Variants in TRDN observed in about 807,000 individuals in gnomAD.
The protein encoded by TRDN is triadin.
A neutral mutation model predicts 149.7 loss-of-function variants in TRDN; 161 were observed. That is an observed-to-expected ratio of 1.08 (90% CI 0.95 to 1.23). TRDN has a LOEUF of 1.23. TRDN is among the 50% of genes most tolerant of loss of function. TRDN has a pLI of 0.00. For synonymous variants in TRDN, 294 were observed against 250.5 expected (o/e 1.17, Z -1.64); for missense variants, 896 against 823.5 (o/e 1.09, Z -1.08).
chr6:123,247,718 C>G (rs1776234969), intron 38 of TRDN, among the ~76,000 whole-genome samples: 2 of 151,530 alleles, frequency 1.3e-5, no homozygotes, highest in South Asian at 4.2e-4. Flanking sequence ...CAAGCTACCA[C>G]AGACTTTCTT....
chr6:123,583,357 A>G (rs1027126720), intron 1 of TRDN, among the ~76,000 whole-genome samples: 13 of 152,074 alleles, frequency 8.5e-5, no homozygotes, highest in African/African-American at 3.1e-4. Flanking sequence ...GGGGCCTAAT[A>G]AAAAGGAACG....
In TRDN at chr6:123,217,838, CCA is replaced by C. The variant is rs1164235057; in HGVS notation, c.*761_*762del. ...CACAGTCTGGAGAAATTTCAGAATT[CCA>C]CATCTCATTTGCTAATATTTTAAAC... On this transcript the variant is annotated 3_prime_UTR_variant, in exon 41 of 41. Transcript: ENST00000334268. 1 of 151,968 alleles carries C rather than the reference CCA, an allele frequency of 6.6e-6. No individual in the cohort carries two copies. The highest frequency in any genetic ancestry group is 1.9e-4 in the East Asian group (1 of 5,158). The allele number at this position is 151,968 out of a possible 1,614,324, so 9.4% of individuals were successfully genotyped here. A position where few individuals can be genotyped will look rare whatever the true frequency, so the allele number is the denominator to read the frequency against.
At chr6:123,268,738 G>C (rs910204491) in intron 31 of TRDN, among the ~76,000 whole-genome samples, 1 of 152,002 alleles carries the variant, frequency 6.6e-6, no homozygotes, top group Middle Eastern at 3.2e-3. Flanking sequence ...GGAACTGATA[G>C]CATTCAAGAA....
intron 12 of TRDN, among the ~76,000 whole-genome samples, chr6:123,433,161 T>TAA (rs71726347): frequency 2.0e-4 from 8 of 39,594 alleles, no homozygotes; most frequent in Non-Finnish European, 3.2e-4. Flanking sequence ...TATATATATA[T>TAA]AATATATATA....
At chr6:123,415,814 G>C (rs1186835964) in intron 12 of TRDN, among the ~76,000 whole-genome samples, 1 of 152,126 alleles carries the variant, frequency 6.6e-6, no homozygotes, top group Admixed American at 6.6e-5. Flanking sequence ...TGCATATACT[G>C]TATAGACAAA....
chr6:123,285,265 G>T (rs1345232318), intron 24 of TRDN, among the ~76,000 whole-genome samples: 1 of 152,052 alleles, frequency 6.6e-6, no homozygotes. Context: ...AAATCTGGAG[G>T]CATCACATTA....
chr6:123,345,866 C>G (rs9401661), intron 21 of TRDN, among the ~76,000 whole-genome samples: 28,091 of 151,930 alleles, frequency 0.18, 3,546 homozygotes, highest in East Asian at 0.63. Context: ...ACTGATATAA[C>G]AGAGTAACTG....
intron 13 of TRDN, among the ~76,000 whole-genome samples, chr6:123,392,694 T>C (rs1376411508): frequency 6.6e-6 from 1 of 152,010 alleles, no homozygotes; most frequent in Admixed American, 6.6e-5. Context: ...CTTATTTTGC[T>C]CACAGACAAC....
intron 2 of TRDN, among the ~76,000 whole-genome samples, chr6:123,552,059 C>A (rs532215927): frequency 1.4e-4 from 22 of 152,148 alleles, no homozygotes; most frequent in African/African-American, 4.1e-4. Flanking sequence ...ATTGCTAAGG[C>A]CTTGAAGTAT....
At position 123,571,029 on chromosome 6, in the gene TRDN, C is replaced by A. The variant is rs774324909; in HGVS notation, c.126G>T (p.Thr42=). 1 of 1,613,858 alleles carries A rather than the reference C, an allele frequency of 6.2e-7. No individual in the cohort carries two copies. The highest frequency in any genetic ancestry group is 1.3e-5 in the African/African-American group (1 of 74,914). ...GCCAGGCTGCAGGGGAGCTGAACGTCGTCACTATGTCTTCTGTGACTGTCC... is the reference window on the plus strand; with the variant it reads ...GCCAGGCTGCAGGGGAGCTGAACGTAGTCACTATGTCTTCTGTGACTGTCC... ...LKRTVTEDIV[T]TFSSPAAWLL... The change falls in exon 2 of 41, where the codon ACG becomes ACT. Residue 42 remains threonine, a synonymous_variant. Transcript: ENST00000334268.
intron 1 of TRDN, among the ~76,000 whole-genome samples, chr6:123,599,329 A>T (rs1784175183): frequency 7.3e-6 from 1 of 136,274 alleles, no homozygotes; most frequent in Admixed American, 6.9e-5. Context: ...CTGGAGGCTT[A>T]GAGTTTCATT....
intron 1 of TRDN, among the ~76,000 whole-genome samples, chr6:123,619,104 G>C (rs1214208292): frequency 6.6e-6 from 1 of 152,138 alleles, no homozygotes; most frequent in Non-Finnish European, 1.5e-5. Flanking sequence ...TATGAACTTA[G>C]TGTGCAAGAT....
At chr6:123,559,539 C>T (rs546654190) in intron 2 of TRDN, among the ~76,000 whole-genome samples, 1 of 152,248 alleles carries the variant, frequency 6.6e-6, no homozygotes, top group South Asian at 2.1e-4. Flanking sequence ...GATACCTCTA[C>T]TCCCTCCTTG....
chr6:123,358,888 G>A (rs768072056), intron 20 of TRDN, among the ~76,000 whole-genome samples: 1 of 152,072 alleles, frequency 6.6e-6, no homozygotes, highest in African/African-American at 2.4e-5. Flanking sequence ...GCCGTTTGAA[G>A]TGTCCCTCAT....
chr6:123,538,166 T>G (rs940883103), intron 4 of TRDN, among the ~76,000 whole-genome samples: 1 of 152,190 alleles, frequency 6.6e-6, no homozygotes, highest in African/African-American at 2.4e-5. Flanking sequence ...ATGTTTTCTC[T>G]AGATACCTCA....
chr6:123,355,053 T>A (rs1219091135), intron 20 of TRDN, among the ~76,000 whole-genome samples: 2 of 151,786 alleles, frequency 1.3e-5, no homozygotes, highest in African/African-American at 4.8e-5. Flanking sequence ...GCTTTTCATA[T>A]ACTTATCAGC....
At chr6:123,336,509 A>T (rs1156820432) in intron 22 of TRDN, among the ~76,000 whole-genome samples, 1 of 151,932 alleles carries the variant, frequency 6.6e-6, no homozygotes, top group East Asian at 1.9e-4. Flanking sequence ...TCCAGGAAAA[A>T]ACTTCCTGGT....
intron 13 of TRDN, 137 bp from the exon 14 acceptor site, chr6:123,388,688 T>G (rs17737834): frequency 1.1e-6 from 1 of 907,224 alleles, no homozygotes; most frequent in Non-Finnish European, 1.7e-6. Flanking sequence ...AAATCTATGA[T>G]AGGAGTGTAA....
intron 24 of TRDN, among the ~76,000 whole-genome samples, chr6:123,305,062 C>T (rs545064933): frequency 6.6e-6 from 1 of 152,280 alleles, no homozygotes; most frequent in East Asian, 1.9e-4. Context: ...AATCTGCTCT[C>T]TCTTTACAGC....
Sources: allele counts gnomAD v4.1 joint callset (sites outside exome capture counted in the v4.1 genomes callset), GRCh38; gene constraint gnomAD v4.1.1; transcripts MANE v1.5; gene names NCBI Gene and HGNC (gene_info 2026-07-23, HGNC 2026-07-21).